Variants in BUB1B observed in about 807,000 individuals in gnomAD.
BUB1B encodes mitotic checkpoint serine/threonine-protein kinase BUB1 beta.
Under a neutral mutation model 137.7 loss-of-function variants are expected in BUB1B, and 86 were observed. The ratio of observed to expected loss-of-function variants is 0.62; its 90% CI spans 0.52 to 0.75. The LOEUF (loss-of-function observed/expected upper bound fraction) is 0.75, where lower values mean the gene tolerates loss of function less well. Among genes scored for constraint, BUB1B ranks in the 30% least tolerant of loss-of-function variants. The pLI, the probability that BUB1B is intolerant of heterozygous loss-of-function variation, is 0.00. For missense variants in BUB1B, 1,130 were observed against 1,236.9 expected, an observed-to-expected ratio of 0.91 and a Z score of 1.30; for synonymous variants, 420 against 417.9, an observed-to-expected ratio of 1.00 and a Z score of -0.06.
intron 1 of BUB1B, among the ~76,000 whole-genome samples, chr15:40,162,904 C>T (rs1208833471): frequency 1.3e-5 from 2 of 152,006 alleles, no homozygotes; most frequent in Non-Finnish European, 2.9e-5. Context: ...ATAGCCCTTA[C>T]CTTTACAGAG....
intron 3 of BUB1B, 130 bp downstream of exon 3, chr15:40,170,251 A>C: frequency 1.1e-6 from 1 of 911,536 alleles, no homozygotes; most frequent in African/African-American, 1.7e-5. Context: ...ACAGAGATCC[A>C]GAATAATCAT....
intron 1 of BUB1B, among the ~76,000 whole-genome samples, chr15:40,163,141 C>T (rs1483727680): frequency 6.6e-6 from 1 of 152,124 alleles, no homozygotes; most frequent in Non-Finnish European, 1.5e-5. Flanking sequence ...ATGTGATGCT[C>T]CCTGTGATGG....
intron 14 of BUB1B, 62 bp from the exon 15 acceptor site, chr15:40,206,122 A>G (rs2140903931): frequency 1.9e-6 from 3 of 1,545,462 alleles, no homozygotes; most frequent in Non-Finnish European, 2.7e-6. Flanking sequence ...TGTCTCTCTC[A>G]GTAAAAAAGT....
intron 1 of BUB1B, among the ~76,000 whole-genome samples, chr15:40,162,794 A>G (rs1300699719): frequency 3.9e-5 from 6 of 152,148 alleles, no homozygotes; most frequent in African/African-American, 1.2e-4. Flanking sequence ...GTAATTCACT[A>G]TTTTTAAGAG....
intron 9 of BUB1B, among the ~76,000 whole-genome samples, chr15:40,198,283 C>T (rs1019795549): frequency 6.7e-6 from 1 of 149,996 alleles, no homozygotes; most frequent in African/African-American, 2.5e-5. Flanking sequence ...CCCTGTGTTG[C>T]CCAGGCTGGT....
At chr15:40,186,926 C>T (rs1173608781) in intron 8 of BUB1B, 2 of 147,290 alleles carry the variant, frequency 1.4e-5, no homozygotes, top group African/African-American at 5.0e-5. Context: ...TCTTTTTAAA[C>T]AGAGTCTTGC....
At position 40,217,486 on chromosome 15, in the gene BUB1B, C is replaced by T; in HGVS notation, c.2679-10C>T. On this transcript the variant is annotated splice_polypyrimidine_tract_variant and intron_variant, in intron 20 of 22. Transcript: ENST00000287598. ...TTTTTATTATCTCCTTCTCTTAAAT[C>T]TGGGCTCAGAATCCACGATCCCTAT... 1 of 1,613,628 alleles carries T rather than the reference C, an allele frequency of 6.2e-7. No individual in the cohort carries two copies. Among genetic ancestry groups the T allele is most frequent in the African/African-American group, 1.3e-5 (1 of 74,906 alleles).
chr15:40,164,911 T>G, intron 1 of BUB1B, 142 bp from the exon 2 acceptor site: 1 of 881,588 alleles, frequency 1.1e-6, no homozygotes, highest in Non-Finnish European at 1.7e-6. Context: ...CTTAGGCATA[T>G]AATAATAATA....
At chr15:40,217,099 G>A in intron 20 of BUB1B, among the ~76,000 whole-genome samples, 1 of 152,064 alleles carries the variant, frequency 6.6e-6, no homozygotes, top group East Asian at 1.9e-4. Context: ...AACAAGAAAG[G>A]CTATGACACC....
At chr15:40,178,808 C>G (rs1449666783) in intron 5 of BUB1B, among the ~76,000 whole-genome samples, 1 of 152,012 alleles carries the variant, frequency 6.6e-6, no homozygotes, top group East Asian at 1.9e-4. Flanking sequence ...ACTCCTTATT[C>G]AGAAGTCTAC....
At chr15:40,163,597 A>G (rs2037062756) in intron 1 of BUB1B, among the ~76,000 whole-genome samples, 1 of 152,218 alleles carries the variant, frequency 6.6e-6, no homozygotes, top group Non-Finnish European at 1.5e-5. Flanking sequence ...CACCAACACT[A>G]TGACTGCAGT....
At chr15:40,165,937 C>T (rs1234037615) in intron 2 of BUB1B, among the ~76,000 whole-genome samples, 1 of 149,884 alleles carries the variant, frequency 6.7e-6, no homozygotes, top group African/African-American at 2.5e-5. Flanking sequence ...ACTGCAACCT[C>T]TGCCTCCCGG....
intron 4 of BUB1B, among the ~76,000 whole-genome samples, chr15:40,171,192 C>T (rs2037158109): frequency 1.3e-5 from 2 of 152,200 alleles, no homozygotes; most frequent in Non-Finnish European, 2.9e-5. Flanking sequence ...CCACCTTGGC[C>T]TCCCAAAGTG....
Position 40,165,151 on chromosome 15 carries a change from T to C in BUB1B, c.134T>C (p.Leu45Pro), listed in dbSNP as rs765327985. ...ATCATGTCCACGCTTCAGGGAGCAC[T>C]GGCACAAGAATCTGCCTGTAACAAT... The part of the protein sequence containing the change: ...GRIMSTLQGA[L>P]AQESACNNTL... The change falls in exon 2 of 23, where the codon CTG (leucine) becomes CCG (proline). Residue 45 changes from leucine (L) to proline (P), a missense_variant. Coordinates refer to ENST00000287598, the MANE Select transcript of BUB1B (RefSeq NM_001211.6). 2.5e-6 allele frequency: 4 copies of C among 1,614,216 alleles called. No individual in the cohort carries two copies. The Admixed American group carries it at 6.7e-5, about 27-fold the overall frequency.
intron 4 of BUB1B, among the ~76,000 whole-genome samples, chr15:40,172,464 A>G (rs1305708078): frequency 6.6e-6 from 1 of 152,164 alleles, no homozygotes; most frequent in Non-Finnish European, 1.5e-5. Flanking sequence ...TATGTATTAT[A>G]TCTTTTTTTT....
In BUB1B at chr15:40,220,826, G is replaced by T; in HGVS notation, c.*67G>T. On this transcript the variant is annotated 3_prime_UTR_variant, in exon 23 of 23. Coordinates refer to ENST00000287598, the MANE Select transcript of BUB1B (RefSeq NM_001211.6). ...GGTTGTATTGTGGAACACTGAAACT[G>T]TATGTGCTGTAATTTAATTTAGGAC... The T allele has an allele frequency of 6.7e-7, 1 of 1,492,500 alleles. No homozygotes were observed. The highest frequency in any genetic ancestry group is 9.3e-7 in the Non-Finnish European group (1 of 1,070,366). The allele number at this position is 1,492,500 out of a possible 1,614,324, so 92.5% of individuals were successfully genotyped here. A position where few individuals can be genotyped will look rare whatever the true frequency, so the allele number is the denominator to read the frequency against.
At chr15:40,178,933 T>A (rs1261957754) in intron 5 of BUB1B, among the ~76,000 whole-genome samples, 1 of 152,086 alleles carries the variant, frequency 6.6e-6, no homozygotes, top group Non-Finnish European at 1.5e-5. Context: ...TAGAGTTGTA[T>A]AATCATCATT....
intron 18 of BUB1B, among the ~76,000 whole-genome samples, chr15:40,211,744 C>T (rs1436868388): frequency 2.6e-5 from 4 of 151,912 alleles, no homozygotes; most frequent in Non-Finnish European, 2.9e-5. Flanking sequence ...TTCTGGACTT[C>T]GAGAATAGGG....
chr15:40,172,438 C>T (rs920293360), intron 4 of BUB1B, among the ~76,000 whole-genome samples: 3 of 152,048 alleles, frequency 2.0e-5, no homozygotes, highest in Admixed American at 2.0e-4. Flanking sequence ...TTGATGAACA[C>T]ATAGTTTGTA....
Sources: gnomAD v4.1 joint callset for allele counts (sites outside exome capture counted in the v4.1 genomes callset) on GRCh38, gnomAD v4.1.1 for gene constraint, MANE v1.5 for transcripts, NCBI Gene and HGNC (gene_info 2026-07-23, HGNC 2026-07-21) for gene names.